The following RARB variants were observed in gnomAD, a reference collection of about 807,000 sequenced individuals.
RARB encodes the protein HBV-activated protein.
RARB carries 17 observed loss-of-function variants against 51.9 expected under a neutral mutation model. The observed-to-expected ratio is 0.33, with a 90% CI of 0.22 to 0.49. The LOEUF (loss-of-function observed/expected upper bound fraction) is 0.49. Ranked by LOEUF, RARB falls within the 20% of genes least tolerant of loss-of-function variation. The pLI, the probability that RARB is intolerant of heterozygous loss-of-function variation, is 0.99. For missense variants in RARB, 369 were observed against 550.8 expected (o/e 0.67, Z 3.30); for synonymous variants, 215 against 195.4 (o/e 1.10, Z -0.84).
intron 2 of RARB, among the ~76,000 whole-genome samples, chr3:24,885,018 A>G (rs1373861057): frequency 6.6e-6 from 1 of 152,150 alleles, no homozygotes; most frequent in African/African-American, 2.4e-5. Flanking sequence ...CAGGCGAAGA[A>G]TATTAGAAGG....
At chr3:24,941,822 A>G (rs1695673456) in intron 2 of RARB, among the ~76,000 whole-genome samples, 1 of 152,184 alleles carries the variant, frequency 6.6e-6, no homozygotes, top group Non-Finnish European at 1.5e-5. Flanking sequence ...TAAGGATACC[A>G]ATATCTATAG....
intron 5 of RARB, among the ~76,000 whole-genome samples, chr3:25,386,816 C>T (rs1706808838): frequency 1.3e-5 from 2 of 152,188 alleles, no homozygotes; most frequent in African/African-American, 4.8e-5. Flanking sequence ...CGCCCTTGGG[C>T]TGCCAACTCT....
intron 3 of RARB, among the ~76,000 whole-genome samples, chr3:25,123,086 G>C (rs1184396836): frequency 6.6e-6 from 1 of 152,092 alleles, no homozygotes; most frequent in East Asian, 1.9e-4. Flanking sequence ...GGTACACTTT[G>C]ACTTGGCACT....
intron 5 of RARB, among the ~76,000 whole-genome samples, chr3:25,182,380 G>A (rs546811130): frequency 5.3e-5 from 8 of 152,294 alleles, no homozygotes; most frequent in East Asian, 1.9e-4. Flanking sequence ...TGGGAACAGC[G>A]ATATGCAGAA....
chr3:25,518,909 G>C (rs909008199), intron 3 of RARB, among the ~76,000 whole-genome samples: 7 of 152,122 alleles, frequency 4.6e-5, no homozygotes, highest in African/African-American at 1.7e-4. Flanking sequence ...AAGCATGGGG[G>C]AGCTTTCTGG....
intron 3 of RARB, among the ~76,000 whole-genome samples, chr3:25,535,505 C>T (rs1699104670): frequency 6.6e-6 from 1 of 151,458 alleles, no homozygotes; most frequent in Non-Finnish European, 1.5e-5. Flanking sequence ...TGGTTTGCTG[C>T]ACCCATCAGC....
At chr3:25,243,051 T>C (rs955277950) in intron 5 of RARB, among the ~76,000 whole-genome samples, 13 of 152,158 alleles carry the variant, frequency 8.5e-5, no homozygotes, top group African/African-American at 2.9e-4. Flanking sequence ...TTTCTAGGTA[T>C]TTTTTTCTCT....
intron 5 of RARB, among the ~76,000 whole-genome samples, chr3:25,181,468 T>C (rs1700859532): frequency 6.6e-6 from 1 of 152,150 alleles, no homozygotes; most frequent in Admixed American, 6.6e-5. Context: ...TTTTGGAAAT[T>C]TGTAGATGTG....
At chr3:25,508,524 A>G (rs927228464) in intron 3 of RARB, among the ~76,000 whole-genome samples, 2 of 152,232 alleles carry the variant, frequency 1.3e-5, no homozygotes, top group African/African-American at 4.8e-5. Flanking sequence ...GCTTAATAAC[A>G]GGGAAATTCA....
At chr3:25,339,485 C>G (rs1321318735) in intron 5 of RARB, among the ~76,000 whole-genome samples, 4 of 152,040 alleles carry the variant, frequency 2.6e-5, no homozygotes, top group Non-Finnish European at 5.9e-5. Context: ...CACGTGGCTG[C>G]GCGGGAGTCT....
At chr3:25,429,175 G>A (rs998763412) in intron 1 of RARB, among the ~76,000 whole-genome samples, 2 of 152,080 alleles carry the variant, frequency 1.3e-5, no homozygotes, top group African/African-American at 4.8e-5. Context: ...GTGGGGGGTG[G>A]GGAGTAGAGG....
intron 2 of RARB, among the ~76,000 whole-genome samples, chr3:25,046,383 CTT>C (rs1469521921): frequency 1.3e-5 from 2 of 152,176 alleles, no homozygotes; most frequent in Non-Finnish European, 2.9e-5. Context: ...CTATTGAAGA[CTT>C]TGATATTCTG....
chr3:24,972,721 C>A (rs1445871688), intron 2 of RARB, among the ~76,000 whole-genome samples: 1 of 151,826 alleles, frequency 6.6e-6, no homozygotes, highest in African/African-American at 2.4e-5. Context: ...GTGGTTTTGA[C>A]TTGCATTTTT....
At chr3:24,852,540 C>T (rs1034079980) in intron 1 of RARB, among the ~76,000 whole-genome samples, 1 of 152,082 alleles carries the variant, frequency 6.6e-6, no homozygotes. Flanking sequence ...AATATGTCCA[C>T]ATAAAGGCTT....
chr3:25,591,379 C>T (rs1701605562), intron 5 of RARB, among the ~76,000 whole-genome samples: 1 of 152,180 alleles, frequency 6.6e-6, no homozygotes, highest in African/African-American at 2.4e-5. Context: ...CAGTTATGTG[C>T]TGCACAAAAG....
intron 2 of RARB, among the ~76,000 whole-genome samples, chr3:24,904,194 T>C (rs1694797589): frequency 6.6e-6 from 1 of 152,222 alleles, no homozygotes; most frequent in African/African-American, 2.4e-5. Flanking sequence ...ATCTTTAAAA[T>C]GATAATATTG....
At chr3:25,088,812 C>CAAGTTGCT (rs199945707) in intron 3 of RARB, among the ~76,000 whole-genome samples, 2,555 of 152,162 alleles carry the variant, frequency 0.017, 64 homozygotes, top group East Asian at 0.062. Context: ...GAGTCTCTGA[C>CAAGTTGCT]AAGTTGCTAA....
At chr3:24,974,915 T>C (rs1456545962) in intron 2 of RARB, among the ~76,000 whole-genome samples, 2 of 152,164 alleles carry the variant, frequency 1.3e-5, no homozygotes, top group African/African-American at 4.8e-5. Flanking sequence ...ATGGAAATGT[T>C]ATACAAGGTT....
intron 5 of RARB, among the ~76,000 whole-genome samples, chr3:25,298,190 T>C (rs1363464060): frequency 6.6e-6 from 1 of 151,746 alleles, no homozygotes; most frequent in Non-Finnish European, 1.5e-5. Context: ...AAATCTTTTT[T>C]TTTTTTTTTT....
Sources: allele counts gnomAD v4.1 joint callset (sites outside exome capture counted in the v4.1 genomes callset), GRCh38; gene constraint gnomAD v4.1.1; transcripts MANE v1.5; gene names NCBI Gene and HGNC (gene_info 2026-07-23, HGNC 2026-07-21).